Variants in PCSK2 observed in about 807,000 individuals in gnomAD.
The protein encoded by PCSK2 is proprotein convertase subtilisin/kexin type 2.
A neutral mutation model predicts 69.7 loss-of-function variants in PCSK2; 14 were observed. The observed-to-expected ratio is 0.20, with a 90% CI of 0.13 to 0.31. The LOEUF is 0.31. Among genes scored for constraint, PCSK2 ranks in the 10% least tolerant of loss-of-function variants. The pLI is 1.00. For synonymous variants in PCSK2, 307 were observed against 320.7 expected (o/e 0.96, Z 0.46); for missense variants, 544 against 842.5 (o/e 0.65, Z 4.39).
chr20:17,342,182 A>G (rs755197202), intron 2 of PCSK2, among the ~76,000 whole-genome samples: 2 of 152,230 alleles, frequency 1.3e-5, no homozygotes, highest in Admixed American at 6.5e-5. Context: ...ACACACACAT[A>G]CAGCAAAATT....
In PCSK2 at chr20:17,330,968, C is replaced by G. The variant is rs547636219; in HGVS notation, c.283-27359C>G. Among the ~76,000 whole-genome samples the G allele has an allele frequency of 6.6e-5, 10 of 152,334 alleles. No individual in the cohort carries two copies. The South Asian group carries it at 2.1e-3, about 32-fold the overall frequency. ...GAAAAAAATCTTTGTCAGATGCCCC[C>G]TTTATATCTTTTGCTCAGAACAGAT... On this transcript the variant is annotated intron_variant, in intron 2 of 11. Transcript: ENST00000262545.
chr20:17,336,318 A>T (rs377567365), intron 2 of PCSK2, among the ~76,000 whole-genome samples: 1 of 152,100 alleles, frequency 6.6e-6, no homozygotes, highest in Admixed American at 6.6e-5. Flanking sequence ...CTTTATAAAA[A>T]CCTAGTCACT....
In PCSK2 at chr20:17,450,017, C is replaced by CTTTTT. The variant is rs61156656; in HGVS notation, c.886-3699_886-3695dup. ...TTTTTAAGTTTGTTGAATTTCTTCC[C>CTTTTT]TTTTTTTTTTTTTTTTTTTTTTTTT... On this transcript the variant is annotated intron_variant, in intron 8 of 11. Transcript: ENST00000262545. Among the ~76,000 whole-genome samples the CTTTTT allele has an allele frequency of 2.3e-4, 14 of 61,836 alleles. 1 individual carries two copies. Among genetic ancestry groups the CTTTTT allele is most frequent in the Admixed American group, 2.7e-4 (1 of 3,646 alleles). 40.6% of individuals were successfully genotyped at this position (61,836 alleles called of 152,430 possible).
At chr20:17,454,454 G>C (rs1361004130) in intron 9 of PCSK2, among the ~76,000 whole-genome samples, 1 of 152,036 alleles carries the variant, frequency 6.6e-6, no homozygotes. Flanking sequence ...AAAGAGTTGT[G>C]ATTTTCATCA....
chr20:17,456,211 A>C, intron 9 of PCSK2, 137 bp from the exon 10 acceptor site: 1 of 616,206 alleles, frequency 1.6e-6, no homozygotes, highest in South Asian at 2.0e-5. Flanking sequence ...ACTGCACTCC[A>C]GCCTGGGCAA....
intron 2 of PCSK2, among the ~76,000 whole-genome samples, chr20:17,340,687 G>T (rs1043645500): frequency 1.3e-5 from 2 of 152,062 alleles, no homozygotes; most frequent in Non-Finnish European, 1.5e-5. Flanking sequence ...ATTTCTTCTG[G>T]TTCTTACGCT....
intron 11 of PCSK2, among the ~76,000 whole-genome samples, chr20:17,468,644 A>G (rs1181974682): frequency 2.0e-5 from 3 of 147,714 alleles, no homozygotes; most frequent in Non-Finnish European, 4.5e-5. Context: ...GTAGCCCACT[A>G]TAGGTGAGCA....
intron 11 of PCSK2, among the ~76,000 whole-genome samples, chr20:17,475,710 G>A (rs1356430001): frequency 6.6e-6 from 1 of 152,146 alleles, no homozygotes; most frequent in Non-Finnish European, 1.5e-5. Context: ...GGTGCAAATT[G>A]GGACAGAAAA....
intron 1 of PCSK2, among the ~76,000 whole-genome samples, chr20:17,254,100 T>C (rs1353044654): frequency 2.0e-5 from 3 of 152,226 alleles, no homozygotes; most frequent in Non-Finnish European, 4.4e-5. Flanking sequence ...TTTAAAACAT[T>C]CCTGTGCGAG....
intron 6 of PCSK2, among the ~76,000 whole-genome samples, chr20:17,427,517 G>C (rs1008812851): frequency 1.3e-5 from 2 of 152,204 alleles, no homozygotes; most frequent in Admixed American, 1.3e-4. Flanking sequence ...CTCCCCACAC[G>C]TGAGCCATGG....
At chr20:17,351,627 C>T (rs1289302586) in intron 2 of PCSK2, among the ~76,000 whole-genome samples, 1 of 151,612 alleles carries the variant, frequency 6.6e-6, no homozygotes, top group Non-Finnish European at 1.5e-5. Context: ...GCAGAAAAAA[C>T]TTTTAATAAA....
chr20:17,468,952 A>G (rs2033154800), intron 11 of PCSK2, among the ~76,000 whole-genome samples: 1 of 152,242 alleles, frequency 6.6e-6, no homozygotes, highest in Admixed American at 6.5e-5. Context: ...TCCATGAAAC[A>G]GTCCATGATT....
intron 11 of PCSK2, among the ~76,000 whole-genome samples, chr20:17,478,489 A>T (rs2033331710): frequency 1.3e-5 from 2 of 152,212 alleles, no homozygotes; most frequent in Admixed American, 6.5e-5. Flanking sequence ...TCAAGTATAA[A>T]TCCAAAAACT....
At chr20:17,335,427 T>TTGTGTGTGTGTGTGTGTGTGTGTGTGTG (rs56275148) in intron 2 of PCSK2, among the ~76,000 whole-genome samples, 17 of 139,278 alleles carry the variant, frequency 1.2e-4, no homozygotes, top group Admixed American at 8.6e-4. Context: ...CAGCATCACT[T>TTGTGTGTGTGTGTGTGTGTGTGTGTGTG]TGTGTGTGTG....
Position 17,249,166 on chromosome 20 carries a change from AT to A in PCSK2, c.178-11069del, listed in dbSNP as rs147329031. Among the ~76,000 whole-genome samples, 457 of 152,250 alleles carry A rather than the reference AT, an allele frequency of 3.0e-3. 4 individuals are homozygous for A. The highest frequency in any genetic ancestry group is 0.017 in the Middle Eastern group (5 of 294). On this transcript the variant is annotated intron_variant, in intron 1 of 11. Transcript: ENST00000262545. ...GTCATTCAAATTTAAATTTTAAAAT[AT>A]TTTTACATTTTTAACTTGCATCTTG...
chr20:17,309,936 G>C (rs1989450974), intron 2 of PCSK2, among the ~76,000 whole-genome samples: 1 of 151,698 alleles, frequency 6.6e-6, no homozygotes, highest in Non-Finnish European at 1.5e-5. Context: ...GGAAGGGGGA[G>C]GAGGAGAGAG....
intron 2 of PCSK2, among the ~76,000 whole-genome samples, chr20:17,302,879 A>G (rs1285654328): frequency 6.6e-6 from 1 of 152,094 alleles, no homozygotes; most frequent in Non-Finnish European, 1.5e-5. Flanking sequence ...GTTGAAGAAG[A>G]GCTCCCTTCC....
intron 4 of PCSK2, among the ~76,000 whole-genome samples, chr20:17,364,697 A>G (rs1376394120): frequency 6.6e-6 from 1 of 152,200 alleles, no homozygotes; most frequent in African/African-American, 2.4e-5. Context: ...TCCAACCCCA[A>G]CACTTAGCAG....
chr20:17,466,722 G>A (rs1382540840), intron 11 of PCSK2, among the ~76,000 whole-genome samples: 1 of 152,218 alleles, frequency 6.6e-6, no homozygotes, highest in Non-Finnish European at 1.5e-5. Context: ...TCATTTGAGT[G>A]TTGATAAATG....
Sources: gnomAD v4.1 joint callset for allele counts (sites outside exome capture counted in the v4.1 genomes callset) on GRCh38, gnomAD v4.1.1 for gene constraint, MANE v1.5 for transcripts, NCBI Gene and HGNC (gene_info 2026-07-23, HGNC 2026-07-21) for gene names.